The following SLC14A2 variants were observed in gnomAD, a reference collection of about 807,000 sequenced individuals.
SLC14A2 encodes solute carrier family 14 member 2.
SLC14A2 carries 91 observed loss-of-function variants against 104.6 expected under a neutral mutation model. The ratio of observed to expected loss-of-function variants is 0.87; its 90% CI spans 0.73 to 1.04. The LOEUF (loss-of-function observed/expected upper bound fraction) is 1.04. Among genes scored for constraint, SLC14A2 ranks in the 50% least tolerant of loss-of-function variants. SLC14A2 has a pLI of 0.00. For missense variants in SLC14A2, 1,189 were observed against 1,156.0 expected (o/e 1.03, Z -0.41); for synonymous variants, 476 against 466.4 (o/e 1.02, Z -0.27).
upstream of SLC14A2, among the ~76,000 whole-genome samples, chr18:45,212,206 C>T (rs192573081): frequency 1.1e-3 from 171 of 152,232 alleles, 4 homozygotes; most frequent in Non-Finnish European, 1.1e-3. Context: ...ATTTTCATTT[C>T]GTATAGTGCA....
intron 2 of SLC14A2, among the ~76,000 whole-genome samples, chr18:45,580,245 G>T (rs2044470492): frequency 6.6e-6 from 1 of 152,162 alleles, no homozygotes; most frequent in Non-Finnish European, 1.5e-5. Context: ...TCTACATTTT[G>T]CATTTTTTTA....
At chr18:45,241,298 G>C (rs1406800607) in intron 1 of SLC14A2, among the ~76,000 whole-genome samples, 2 of 152,196 alleles carry the variant, frequency 1.3e-5, no homozygotes, top group Non-Finnish European at 2.9e-5. Context: ...TCTGGCTGCT[G>C]TCTTGGGAAA....
intron 1 of SLC14A2, among the ~76,000 whole-genome samples, chr18:45,253,836 AAT>A (rs929477116): frequency 6.6e-6 from 1 of 152,240 alleles, no homozygotes; most frequent in East Asian, 1.9e-4. Flanking sequence ...TATAGAAAAT[AAT>A]AGTTTGTTTT....
intron 2 of SLC14A2, among the ~76,000 whole-genome samples, chr18:45,487,816 A>G (rs1050455461): frequency 6.6e-6 from 1 of 152,130 alleles, no homozygotes; most frequent in Admixed American, 6.6e-5. Context: ...TCTGATTGCT[A>G]TGACCACATC....
intron 1 of SLC14A2, among the ~76,000 whole-genome samples, chr18:45,228,710 G>C (rs1442302691): frequency 6.6e-6 from 1 of 152,090 alleles, no homozygotes; most frequent in Non-Finnish European, 1.5e-5. Context: ...CTCTTCCCTG[G>C]CATCAGATAG....
intron 1 of SLC14A2, among the ~76,000 whole-genome samples, chr18:45,257,370 C>T (rs1407627651): frequency 1.3e-5 from 2 of 152,214 alleles, no homozygotes; most frequent in Non-Finnish European, 2.9e-5. Flanking sequence ...TTTACCAGTG[C>T]ATGAGACACA....
At chr18:45,293,393 T>A (rs1002926502) in intron 1 of SLC14A2, among the ~76,000 whole-genome samples, 7 of 152,138 alleles carry the variant, frequency 4.6e-5, no homozygotes, top group African/African-American at 1.7e-4. Flanking sequence ...CTTGTCTTCA[T>A]GAAGTTCAAT....
chr18:45,478,921 G>C (rs536150782), intron 1 of SLC14A2, among the ~76,000 whole-genome samples: 1 of 152,272 alleles, frequency 6.6e-6, no homozygotes, highest in South Asian at 2.1e-4. Flanking sequence ...TAATGGAAGA[G>C]TCCAGGGATG....
At chr18:45,475,641 GGA>G (rs2087351664) in intron 1 of SLC14A2, among the ~76,000 whole-genome samples, 3 of 11,648 alleles carry the variant, frequency 2.6e-4, no homozygotes, top group Non-Finnish European at 3.9e-4. Flanking sequence ...TATATATTTA[GGA>G]TATATATATA....
chr18:45,248,298 C>T (rs1279407211), intron 1 of SLC14A2, among the ~76,000 whole-genome samples: 2 of 152,074 alleles, frequency 1.3e-5, no homozygotes, highest in African/African-American at 2.4e-5. Flanking sequence ...CGTCCCATAG[C>T]AAATACCGGA....
At chr18:45,610,648 C>T (rs995875681), upstream of SLC14A2, among the ~76,000 whole-genome samples, 9 of 152,182 alleles carry the variant, frequency 5.9e-5, no homozygotes, top group African/African-American at 2.2e-4. Flanking sequence ...GGTTTCAGCT[C>T]TTGTCAATAG....
chr18:45,183,677 T>TTCTTTCTC, the SLC14A2 span, among the ~76,000 whole-genome samples: 2 of 151,830 alleles, frequency 1.3e-5, no homozygotes, highest in Non-Finnish European at 2.9e-5. Context: ...CTGTCTTTCT[T>TTCTTTCTC]TCTTTCTCTC....
At chr18:45,569,783 G>A (rs2044320797) in intron 2 of SLC14A2, among the ~76,000 whole-genome samples, 1 of 152,170 alleles carries the variant, frequency 6.6e-6, no homozygotes, top group African/African-American at 2.4e-5. Context: ...GGGAGACACA[G>A]CCCTGGGAAG....
intron 1 of SLC14A2, among the ~76,000 whole-genome samples, chr18:45,342,225 AAAT>A (rs1343810044): frequency 6.6e-6 from 1 of 152,186 alleles, no homozygotes; most frequent in Non-Finnish European, 1.5e-5. Context: ...CTGTTAACTA[AAAT>A]AATAATAATA....
chr18:45,381,725 C>T (rs951430347), intron 1 of SLC14A2, among the ~76,000 whole-genome samples: 1 of 151,980 alleles, frequency 6.6e-6, no homozygotes, highest in South Asian at 2.1e-4. Flanking sequence ...CCTTCAACTC[C>T]GGGGGTTGGG....
intron 2 of SLC14A2, among the ~76,000 whole-genome samples, chr18:45,541,545 G>C (rs557665992): frequency 1.3e-5 from 2 of 152,356 alleles, no homozygotes; most frequent in Non-Finnish European, 2.9e-5. Context: ...TTCTAGTACA[G>C]AGTAGTTCAC....
upstream of SLC14A2, among the ~76,000 whole-genome samples, chr18:45,210,830 A>T (rs868122644): frequency 2.0e-4 from 31 of 152,348 alleles, no homozygotes; most frequent in South Asian, 2.3e-3. Flanking sequence ...AACGTGATAT[A>T]GAATATGGAA....
In SLC14A2 at chr18:45,354,869, G is replaced by T. The variant is rs2085536580; in HGVS notation, c.-124-128364G>T. On this transcript the variant is annotated intron_variant, in intron 1 of 20. Transcript: ENST00000586448. Reference sequence around the variant, plus strand: ...CTATTAAAATCCCAAAGGACTTTCAGCTGTGTGGACTGGGCACTCACTAAA... The same window carrying T: ...CTATTAAAATCCCAAAGGACTTTCATCTGTGTGGACTGGGCACTCACTAAA... 3.3e-5 allele frequency among the ~76,000 whole-genome samples: 5 copies of T among 152,210 alleles called. No individual in the cohort carries two copies. In the South Asian group the frequency reaches 1.0e-3, roughly 31 times the overall value.
chr18:45,363,388 C>T (rs2085634410), intron 1 of SLC14A2, among the ~76,000 whole-genome samples: 1 of 152,090 alleles, frequency 6.6e-6, no homozygotes, highest in African/African-American at 2.4e-5. Context: ...AAGAAAGCTG[C>T]TAATAAGTAG....
Sources: gnomAD v4.1 joint callset for allele counts (sites outside exome capture counted in the v4.1 genomes callset) on GRCh38, gnomAD v4.1.1 for gene constraint, MANE v1.5 for transcripts, NCBI Gene and HGNC (gene_info 2026-07-23, HGNC 2026-07-21) for gene names.